Variants in RIMS2 observed in about 807,000 individuals in gnomAD.
RIMS2 encodes regulating synaptic membrane exocytosis 2.
In RIMS2, 59 loss-of-function variants were observed where a neutral mutation model predicts 174.4. The ratio of observed to expected loss-of-function variants is 0.34; its 90% CI spans 0.27 to 0.42. The LOEUF is 0.42. Among genes scored for constraint, RIMS2 ranks in the 10% least tolerant of loss-of-function variants. The pLI is 1.00. For missense variants in RIMS2, 1,620 were observed against 1,666.3 expected, an observed-to-expected ratio of 0.97 and a Z score of 0.48; for synonymous variants, 606 against 572.5, an observed-to-expected ratio of 1.06 and a Z score of -0.84.
intron 3 of RIMS2, among the ~76,000 whole-genome samples, chr8:103,822,767 T>C (rs2098760547): frequency 6.6e-6 from 1 of 151,864 alleles, no homozygotes; most frequent in African/African-American, 2.4e-5. Context: ...AATGCCACTT[T>C]AGTTTAATTT....
chr8:103,898,724 A>T (rs550314071), intron 4 of RIMS2, among the ~76,000 whole-genome samples: 16 of 150,102 alleles, frequency 1.1e-4, no homozygotes, highest in African/African-American at 3.7e-4. Context: ...GTTTGTTTTT[A>T]TTTTTTTTTA....
intron 1 of RIMS2, among the ~76,000 whole-genome samples, chr8:103,666,054 T>C (rs2096664838): frequency 6.6e-6 from 1 of 152,202 alleles, no homozygotes; most frequent in African/African-American, 2.4e-5. Context: ...GAAAGAATGA[T>C]TCCTGAATCA....
At chr8:103,685,563 A>G (rs1163278733) in intron 1 of RIMS2, among the ~76,000 whole-genome samples, 2 of 152,132 alleles carry the variant, frequency 1.3e-5, no homozygotes, top group African/African-American at 2.4e-5. Context: ...TTACATATAA[A>G]TTTCTAATTG....
chr8:103,696,750 C>T (rs2097105719), intron 1 of RIMS2, among the ~76,000 whole-genome samples: 1 of 149,920 alleles, frequency 6.7e-6, no homozygotes, highest in African/African-American at 2.5e-5. Flanking sequence ...GTAGTCCTAG[C>T]TATTCAGGAG....
chr8:103,912,255 A>T (rs2154527511), intron 6 of RIMS2, 83 bp downstream of exon 9: 1 of 996,832 alleles, frequency 1.0e-6, no homozygotes, highest in East Asian at 2.6e-5. Flanking sequence ...TTCAACCTGT[A>T]CCAATTTAGT....
At chr8:103,690,505 A>G (rs550180433) in intron 1 of RIMS2, among the ~76,000 whole-genome samples, 26 of 152,306 alleles carry the variant, frequency 1.7e-4, no homozygotes, top group African/African-American at 4.8e-4. Flanking sequence ...AATAAATAAC[A>G]TCTTAGAATC....
At chr8:104,214,881 C>A in intron 19 of RIMS2, among the ~76,000 whole-genome samples, 1 of 152,324 alleles carries the variant, frequency 6.6e-6, no homozygotes, top group South Asian at 2.1e-4. Flanking sequence ...TACGTTCAAG[C>A]AACAGTCCAC....
chr8:103,641,893 T>C (rs1489931855), intron 1 of RIMS2, among the ~76,000 whole-genome samples: 1 of 152,126 alleles, frequency 6.6e-6, no homozygotes, highest in Non-Finnish European at 1.5e-5. Context: ...TCTGCAGAAC[T>C]ATAAGCCAAA....
At chr8:104,095,151 T>C (rs1478972458) in intron 19 of RIMS2, among the ~76,000 whole-genome samples, 1 of 152,152 alleles carries the variant, frequency 6.6e-6, no homozygotes, top group East Asian at 1.9e-4. Context: ...CTGAAGTGGC[T>C]GAAAAAAATT....
intron 2 of RIMS2, among the ~76,000 whole-genome samples, chr8:103,735,985 G>A (rs1053150143): frequency 1.3e-5 from 2 of 152,072 alleles, no homozygotes; most frequent in African/African-American, 4.8e-5. Flanking sequence ...TTTAAATTCT[G>A]TGTTGCTCCT....
At chr8:104,123,097 A>G (rs904397917) in intron 19 of RIMS2, among the ~76,000 whole-genome samples, 4 of 152,128 alleles carry the variant, frequency 2.6e-5, no homozygotes, top group African/African-American at 9.6e-5. Flanking sequence ...CTGAAGTCAA[A>G]TGACATTTTT....
At position 103,513,993 on chromosome 8, in the gene RIMS2, C is replaced by T. The variant is rs1189710741; in HGVS notation, c.176+12931C>T. Among the ~76,000 whole-genome samples, 6 of 152,092 alleles carry T rather than the reference C, an allele frequency of 3.9e-5. No homozygotes were observed. The East Asian group carries it at 5.8e-4, about 15-fold the overall frequency. On this transcript the variant is annotated intron_variant, in intron 1 of 23. Transcript: ENST00000504942. ...CTGATTATATAACTCTTTTGTTTAA[C>T]GTATCAGTGTTTCCCTATTGCCAGC...
chr8:103,652,236 C>A, intron 1 of RIMS2: 1 of 1,347,640 alleles, frequency 7.4e-7, no homozygotes, highest in Non-Finnish European at 9.8e-7. Flanking sequence ...ACAACTGACA[C>A]AGTAAGTAAA....
chr8:103,874,714 TCTAA>T (rs1413917487), intron 3 of RIMS2, among the ~76,000 whole-genome samples: 1 of 152,090 alleles, frequency 6.6e-6, no homozygotes, highest in African/African-American at 2.4e-5. Context: ...AAAAGAAAAT[TCTAA>T]CTGTGTTGTC....
chr8:103,912,672 A>G (rs935785683), intron 6 of RIMS2, among the ~76,000 whole-genome samples: 2 of 152,150 alleles, frequency 1.3e-5, no homozygotes, highest in African/African-American at 2.4e-5. Flanking sequence ...TACTGTTTGA[A>G]TTCTAAAAAC....
chr8:103,681,108 A>G (rs990501391), intron 1 of RIMS2, among the ~76,000 whole-genome samples: 1 of 152,088 alleles, frequency 6.6e-6, no homozygotes, highest in African/African-American at 2.4e-5. Context: ...AGCCATTAAA[A>G]TGCATGAACT....
chr8:104,145,597 G>A (rs58757279), intron 19 of RIMS2, among the ~76,000 whole-genome samples: 38,743 of 150,898 alleles, frequency 0.26, 5,170 homozygotes, highest in Non-Finnish European at 0.3. Flanking sequence ...AGACCAAGGC[G>A]GGAGCATCAC....
intron 3 of RIMS2, among the ~76,000 whole-genome samples, chr8:103,792,690 CTAAT>C (rs1592524290): frequency 7.0e-6 from 1 of 142,700 alleles, no homozygotes; most frequent in East Asian, 2.1e-4. Flanking sequence ...GCTAGCAAGA[CTAAT>C]AAAGAAGAAA....
intron 19 of RIMS2, chr8:104,094,420 T>C (rs1164780993): frequency 1.7e-6 from 1 of 582,892 alleles, no homozygotes; most frequent in Non-Finnish European, 3.0e-6. Context: ...TGTTTTTTCT[T>C]GACTTTCTTT....
Sources: allele counts gnomAD v4.1 joint callset (sites outside exome capture counted in the v4.1 genomes callset), GRCh38; gene constraint gnomAD v4.1.1; transcripts MANE v1.5; gene names NCBI Gene and HGNC (gene_info 2026-07-23, HGNC 2026-07-21).